ZNF385C: variants seen among roughly 807,000 people sequenced by gnomAD.
ZNF385C encodes the protein zinc finger protein 385C, also known as CTD-2132N18.2.
ZNF385C carries 28 observed loss-of-function variants against 35.4 expected under a neutral mutation model. The ratio of observed to expected loss-of-function variants is 0.79; its 90% CI spans 0.59 to 1.08. ZNF385C has a LOEUF of 1.08. Among genes scored for constraint, ZNF385C ranks in the 50% least tolerant of loss-of-function variants. The pLI is 0.00. For missense variants in ZNF385C, 605 were observed against 595.6 expected, an observed-to-expected ratio of 1.02 and a Z score of -0.16; for synonymous variants, 248 against 248.2, an observed-to-expected ratio of 1.00 and a Z score of 0.01.
chr17:42,084,571 T>C (rs576828709), intron 1 of ZNF385C, among the ~76,000 whole-genome samples: 15 of 152,258 alleles, frequency 9.9e-5, no homozygotes, highest in Non-Finnish European at 1.3e-4. Flanking sequence ...TTCACAATTA[T>C]ATTAGTTCAT....
intron 4 of ZNF385C, among the ~76,000 whole-genome samples, chr17:42,032,210 G>C (rs1174563339): frequency 6.6e-6 from 1 of 152,084 alleles, no homozygotes; most frequent in Non-Finnish European, 1.5e-5. Flanking sequence ...ACAGGCGCCC[G>C]CCACCACACC....
chr17:42,040,192 A>C, intron 2 of ZNF385C: 1 of 1,231,568 alleles, frequency 8.1e-7, no homozygotes, highest in Non-Finnish European at 1.0e-6. Flanking sequence ...GAAGGCGGCC[A>C]CGGCGTCCAG....
intron 1 of ZNF385C, among the ~76,000 whole-genome samples, chr17:42,087,025 A>C (rs546235800): frequency 6.6e-6 from 1 of 151,886 alleles, no homozygotes; most frequent in African/African-American, 2.4e-5. Flanking sequence ...ATTTCTCCAT[A>C]TTGGTCAGGC....
rs1332350429 is a variant in ZNF385C, at chr17:42,050,778, AC to A, written c.250+12028del. On this transcript the variant is annotated intron_variant, in intron 2 of 8. Transcript: ENST00000692273. This position sits in a 1 kb window ranked among gnomAD's most constrained non-coding sequence, Gnocchi z 5.6. ...GCGCGCTCAGCCCGGCCCCGGCCCC[AC>A]CCCCCAGCCCCTGCCGCCCCACGCG... Among the ~76,000 whole-genome samples the A allele has an allele frequency of 6.7e-6, 1 of 149,122 alleles. No homozygotes were observed. Among genetic ancestry groups the A allele is most frequent in the South Asian group, 2.2e-4 (1 of 4,628 alleles).
At chr17:42,037,441 C>T (rs2052884274) in intron 3 of ZNF385C, among the ~76,000 whole-genome samples, 1 of 151,726 alleles carries the variant, frequency 6.6e-6, no homozygotes, top group African/African-American at 2.4e-5. Flanking sequence ...GGAGCGCCTA[C>T]ACAGAAGCTT....
At chr17:42,041,159 C>A in intron 2 of ZNF385C, 3 of 1,232,328 alleles carry the variant, frequency 2.4e-6, no homozygotes, top group Non-Finnish European at 3.0e-6. Context: ...CGCTGGCAGG[C>A]CTCTGTGTGC....
In ZNF385C at chr17:42,076,145, G is replaced by A. The variant is rs115805185; in HGVS notation, c.-2-13087C>T. On this transcript the variant is annotated intron_variant, in intron 1 of 8. Coordinates refer to ENST00000692273, the MANE Select transcript of ZNF385C (RefSeq NM_001392013.1). ...CCAGCTTAGTGCCACCCACAAAGAC[G>A]TGGCTTCACCTAGATACCTAGGAAT... Among the ~76,000 whole-genome samples, 366 of 152,198 alleles carry A rather than the reference G, an allele frequency of 2.4e-3. 2 individuals are homozygous for A. Among genetic ancestry groups the A allele is most frequent in the African/African-American group, 8.1e-3 (338 of 41,524 alleles).
chr17:42,064,118 A>ACACT lies in ZNF385C; in HGVS notation c.-2-1061_-2-1060insAGTG, dbSNP rs1491216367. On this transcript the variant is annotated intron_variant, in intron 1 of 8. Coordinates refer to ENST00000692273, the MANE Select transcript of ZNF385C (RefSeq NM_001392013.1). The stretch of plus-strand genomic sequence containing the variant: ...CACACACACACACACACACACACAC[A>ACACT]CTTTCTGTCTCTTCGGGACCCTCAA... Among the ~76,000 whole-genome samples, 361 of 135,382 alleles carry ACACT rather than the reference A, an allele frequency of 2.7e-3. 2 individuals carry two copies. Among genetic ancestry groups the ACACT allele is most frequent in the African/African-American group, 9.8e-3 (346 of 35,260 alleles). 88.8% of individuals were successfully genotyped at this position (135,382 alleles called of 152,430 possible).
At chr17:42,036,498 GC>G (rs1250963365) in intron 3 of ZNF385C, among the ~76,000 whole-genome samples, 1 of 151,896 alleles carries the variant, frequency 6.6e-6, no homozygotes, top group African/African-American at 2.4e-5. Context: ...TTTGAGACCA[GC>G]CTGGGTAATA....
In ZNF385C at chr17:42,035,861, C is replaced by T. The variant is rs567400496; in HGVS notation, c.400-1526G>A. Among the ~76,000 whole-genome samples, 4 of 151,986 alleles carry T rather than the reference C, an allele frequency of 2.6e-5. No individual in the cohort carries two copies. The East Asian group carries it at 7.7e-4, about 29-fold the overall frequency. ...GAGCCACCGTGCCCAGCCATGACGA[C>T]CTCTCTTGAGAGAGTGAGAGCCACA... On this transcript the variant is annotated intron_variant, in intron 3 of 8. Coordinates refer to ENST00000692273, the MANE Select transcript of ZNF385C (RefSeq NM_001392013.1).
At chr17:42,073,960 A>T (rs58111435) in intron 1 of ZNF385C, among the ~76,000 whole-genome samples, 55,710 of 151,750 alleles carry the variant, frequency 0.37, 11,636 homozygotes, top group African/African-American at 0.56. Context: ...TGGTTCACCA[A>T]CCACCAACTC....
rs1212234261 is a variant in ZNF385C at position 42,095,036 on chromosome 17, CT to C, written c.-3+3373del. 6.6e-6 allele frequency among the ~76,000 whole-genome samples: 1 copy of C among 152,102 alleles called. No individual in the cohort carries two copies. Among genetic ancestry groups the C allele is most frequent in the African/African-American group, 2.4e-5 (1 of 41,398 alleles). On this transcript the variant is annotated intron_variant, in intron 1 of 8. Transcript: ENST00000692273. The surrounding 1 kb of genome is among the most constrained non-coding windows in gnomAD (Gnocchi z 4.4). ...AGCGCACAACCCTATACACAGACCT[CT>C]GGGGGTTAGTGCAGGCGGGCATGCG...
intron 2 of ZNF385C, chr17:42,038,142 G>T (rs965505963): frequency 7.0e-7 from 1 of 1,436,758 alleles, no homozygotes; most frequent in East Asian, 2.5e-5. Context: ...CCCTACTGAG[G>T]CAGCATACTG....
At chr17:42,038,137 C>T in intron 2 of ZNF385C, 2 of 1,453,758 alleles carry the variant, frequency 1.4e-6, no homozygotes, top group African/African-American at 1.4e-5. Context: ...CCTGCCCCTA[C>T]TGAGGCAGCA....
chr17:42,037,274 T>C (rs150287826), intron 3 of ZNF385C, among the ~76,000 whole-genome samples: 8 of 152,136 alleles, frequency 5.3e-5, no homozygotes, highest in African/African-American at 1.9e-4. Flanking sequence ...AAATTACCCA[T>C]GCACAAAGAG....
At chr17:42,052,792 A>C (rs1454799881) in intron 2 of ZNF385C, among the ~76,000 whole-genome samples, 1 of 152,132 alleles carries the variant, frequency 6.6e-6, no homozygotes, top group African/African-American at 2.4e-5. Flanking sequence ...TCCCCTTACA[A>C]AGTTAAATGC....
At chr17:42,076,832 AGAG>A (rs1272342169) in intron 1 of ZNF385C, among the ~76,000 whole-genome samples, 1 of 152,116 alleles carries the variant, frequency 6.6e-6, no homozygotes, top group Non-Finnish European at 1.5e-5. Flanking sequence ...GGTGGGGTGA[AGAG>A]GAAGAACAAA....
intron 2 of ZNF385C, among the ~76,000 whole-genome samples, chr17:42,060,197 C>T (rs561138792): frequency 2.0e-5 from 3 of 152,222 alleles, no homozygotes; most frequent in Admixed American, 6.5e-5. Flanking sequence ...TAGAGGTGTC[C>T]GTGGCACCCC....
At chr17:42,052,106 T>C (rs1555657169) in intron 2 of ZNF385C, among the ~76,000 whole-genome samples, 1 of 152,166 alleles carries the variant, frequency 6.6e-6, no homozygotes, top group Non-Finnish European at 1.5e-5. Flanking sequence ...TTAAGTGTCT[T>C]GGAGCAGCCA....
Sources: gnomAD v4.1 joint callset for allele counts (sites outside exome capture counted in the v4.1 genomes callset) on GRCh38, gnomAD v4.1.1 for gene constraint, Gnocchi (gnomAD v3.1) non-coding constraint, MANE v1.5 for transcripts, NCBI Gene and HGNC (gene_info 2026-07-23, HGNC 2026-07-21) for gene names.